The following ZSCAN5A variants were observed in gnomAD, a reference collection of about 807,000 sequenced individuals.
ZSCAN5A encodes the protein zinc finger and SCAN domain-containing protein 5A.
A neutral mutation model predicts 23.7 loss-of-function variants in ZSCAN5A; 12 were observed. The ratio of observed to expected loss-of-function variants is 0.51; its 90% CI spans 0.32 to 0.82. The LOEUF (loss-of-function observed/expected upper bound fraction) is 0.82. Ranked by LOEUF, ZSCAN5A falls within the 40% of genes least tolerant of loss-of-function variation. ZSCAN5A has a pLI of 0.03. For synonymous variants in ZSCAN5A, 257 were observed against 239.9 expected (o/e 1.07, Z -0.66); for missense variants, 597 against 617.9 (o/e 0.97, Z 0.36).
At chr19:56,343,037 C>T (rs982928285) in intron 2 of ZSCAN5A, 1 of 810,718 alleles carries the variant, frequency 1.2e-6, no homozygotes, top group Non-Finnish European at 2.2e-6. Flanking sequence ...TTCTTTCCCC[C>T]AGAACTGTCA....
upstream of ZSCAN5A, chr19:56,316,315 T>C (rs1462389438): frequency 6.6e-6 from 1 of 152,254 alleles, no homozygotes; most frequent in Non-Finnish European, 1.5e-5. Flanking sequence ...TTGAGGTTAA[T>C]TTCGGTGCTA....
At chr19:56,237,226 TC>T (rs556331284) in intron 2 of ZSCAN5A, among the ~76,000 whole-genome samples, 29 of 152,342 alleles carry the variant, frequency 1.9e-4, no homozygotes, top group African/African-American at 6.5e-4. Flanking sequence ...TTCATTCAAT[TC>T]TCTGTTCAAC....
chr19:56,361,445 G>A (rs973446104), intron 2 of ZSCAN5A, among the ~76,000 whole-genome samples: 1 of 152,130 alleles, frequency 6.6e-6, no homozygotes, highest in African/African-American at 2.4e-5. Context: ...GCAAAGACAC[G>A]AAATCAACCC....
At chr19:56,289,974 G>A (rs926032702) in intron 2 of ZSCAN5A, among the ~76,000 whole-genome samples, 1 of 152,192 alleles carries the variant, frequency 6.6e-6, no homozygotes, top group African/African-American at 2.4e-5. Flanking sequence ...AGGAGTTGAA[G>A]AAAACGAATA....
chr19:56,364,297 C>T (rs949092516), intron 1 of ZSCAN5A, among the ~76,000 whole-genome samples: 2 of 152,204 alleles, frequency 1.3e-5, no homozygotes, highest in Admixed American at 6.5e-5. Flanking sequence ...ACCATATGAA[C>T]TTATGTTGTT....
At chr19:56,302,600 C>CTTCCTT (rs1568726812) in intron 2 of ZSCAN5A, among the ~76,000 whole-genome samples, 1 of 70,940 alleles carries the variant, frequency 1.4e-5, no homozygotes, top group African/African-American at 4.9e-5. Context: ...TCCTCTCCCT[C>CTTCCTT]TTCTTCCTCT....
chr19:56,234,807 C>A (rs1316009667), intron 2 of ZSCAN5A, among the ~76,000 whole-genome samples: 2 of 152,166 alleles, frequency 1.3e-5, no homozygotes, highest in Admixed American at 1.3e-4. Flanking sequence ...GAATTGCTCA[C>A]TCGTGGAGCT....
In ZSCAN5A at chr19:56,304,839, T is replaced by C. The variant is rs934334284; in HGVS notation, c.-128+8444A>G. 7.1e-6 allele frequency: 7 copies of C among 982,672 alleles called. No homozygotes were observed. The African/African-American group carries it at 1.2e-4, about 17-fold the overall frequency. The allele number at this position is 982,672 out of a possible 1,614,324, so 60.9% of individuals were successfully genotyped here. On this transcript the variant is annotated intron_variant, in intron 2 of 5. Transcript: ENST00000683990. ...TTGGAACTGGACATCAGGTATGCTA[T>C]GGCAGGGAAGTGGGCTTTTCCCACC... is the stretch of plus-strand genomic sequence containing the variant.
chr19:56,361,974 G>T (rs376822528), intron 2 of ZSCAN5A, among the ~76,000 whole-genome samples: 1 of 151,646 alleles, frequency 6.6e-6, no homozygotes, highest in Non-Finnish European at 1.5e-5. Context: ...TGGCTAACAC[G>T]GTGAAACCCC....
At chr19:56,340,171 G>C (rs2041580274) in intron 2 of ZSCAN5A, among the ~76,000 whole-genome samples, 1 of 152,122 alleles carries the variant, frequency 6.6e-6, no homozygotes, top group South Asian at 2.1e-4. Flanking sequence ...GACCTAGAAG[G>C]ATGGTGTTCT....
At chr19:56,282,768 G>C (rs2038811432) in intron 2 of ZSCAN5A, among the ~76,000 whole-genome samples, 1 of 152,176 alleles carries the variant, frequency 6.6e-6, no homozygotes, top group Non-Finnish European at 1.5e-5. Context: ...AAAGCTATTA[G>C]GTCTGAGAGC....
At chr19:56,333,910 G>C (rs1046021921) in intron 2 of ZSCAN5A, among the ~76,000 whole-genome samples, 2 of 151,812 alleles carry the variant, frequency 1.3e-5, no homozygotes, top group Non-Finnish European at 2.9e-5. Flanking sequence ...ACAAAAATTA[G>C]GAATGCCAAC....
chr19:56,223,537 CTG>C, intron 4 of ZSCAN5A, 92 bp downstream of exon 4: 1 of 1,316,844 alleles, frequency 7.6e-7, no homozygotes, highest in Non-Finnish European at 1.1e-6. Context: ...TAATCTTGTC[CTG>C]TGTCAAATCT....
chr19:56,270,613 C>T (rs538229437), intron 2 of ZSCAN5A, among the ~76,000 whole-genome samples: 1 of 152,274 alleles, frequency 6.6e-6, no homozygotes, highest in South Asian at 2.1e-4. Flanking sequence ...TAAAATTCCT[C>T]ATTTTAGCTG....
Position 56,322,297 on chromosome 19 carries a change from CT to C in ZSCAN5A, c.-357-6030del. The C allele has an allele frequency of 4.7e-6, 5 of 1,066,930 alleles. No homozygotes were observed. The East Asian group carries it at 7.1e-5, about 15-fold the overall frequency. 66.1% of individuals were successfully genotyped at this position (1,066,930 alleles called of 1,614,324 possible). On this transcript the variant is annotated intron_variant, in intron 2 of 6. Transcript: ENST00000587340. ...CAACAAGAATTGTCCCTTTCACTGC[CT>C]TTTGAAAGGCCATTTCTTAGCCTGA...
chr19:56,246,735 TGTG>T (rs1252230205), intron 2 of ZSCAN5A: 1 of 1,338,654 alleles, frequency 7.5e-7, no homozygotes, highest in African/African-American at 1.4e-5. Flanking sequence ...TTCCAGCAGG[TGTG>T]GTGGGAGCAA....
chr19:56,361,209 A>G (rs1194102315), intron 2 of ZSCAN5A, among the ~76,000 whole-genome samples: 2 of 152,242 alleles, frequency 1.3e-5, no homozygotes, highest in Non-Finnish European at 2.9e-5. Context: ...GAAGCAACAG[A>G]TGCTGGCGAG....
intron 2 of ZSCAN5A, among the ~76,000 whole-genome samples, chr19:56,241,171 G>A (rs1176853146): frequency 2.0e-5 from 3 of 152,248 alleles, no homozygotes; most frequent in Admixed American, 6.5e-5. Context: ...ATACTAACCC[G>A]CATACCTGCC....
At chr19:56,223,016 C>T (rs777169938) in intron 4 of ZSCAN5A, among the ~76,000 whole-genome samples, 27 of 152,266 alleles carry the variant, frequency 1.8e-4, no homozygotes, top group Non-Finnish European at 7.3e-5. Flanking sequence ...CCCCGCCGTG[C>T]CAACGTCTCC....
Sources: gnomAD v4.1 joint callset for allele counts (sites outside exome capture counted in the v4.1 genomes callset) on GRCh38, gnomAD v4.1.1 for gene constraint, MANE v1.5 for transcripts, NCBI Gene and HGNC (gene_info 2026-07-23, HGNC 2026-07-21) for gene names.